Variants in ZNF76 observed in about 807,000 individuals in gnomAD.
ZNF76 encodes zinc finger protein 76.
A neutral mutation model predicts 66.9 loss-of-function variants in ZNF76; 66 were observed. The ratio of observed to expected loss-of-function variants is 0.99; its 90% CI spans 0.81 to 1.21. The LOEUF (loss-of-function observed/expected upper bound fraction) is 1.21. Among genes scored for constraint, ZNF76 ranks in the 50% most tolerant of loss-of-function variants. The pLI is 0.00. For missense variants in ZNF76, 729 were observed against 760.3 expected (o/e 0.96, Z 0.48); for synonymous variants, 275 against 296.1 (o/e 0.93, Z 0.73).
rs57977624 is a variant in ZNF76 at position 35,293,405 on chromosome 6, G to A, written c.1330-346G>A. On this transcript the variant is annotated intron_variant, in intron 11 of 13. Transcript: ENST00000373953. ...GAAAGCCTGGGGTCTGGTCCTACTA[G>A]TGTACTAGCTAGCTATATAACCTGA... 5.7e-3 allele frequency among the ~76,000 whole-genome samples: 867 copies of A among 152,292 alleles called. 8 individuals carry two copies. The highest frequency in any genetic ancestry group is 0.017 in the African/African-American group (688 of 41,560).
intron 1 of ZNF76, among the ~76,000 whole-genome samples, chr6:35,263,582 A>G (rs1785556139): frequency 6.6e-6 from 1 of 152,202 alleles, no homozygotes; most frequent in African/African-American, 2.4e-5. Context: ...GAGTTGAGGA[A>G]AGGGTATACC....
intron 12 of ZNF76, 109 bp downstream of exon 12, chr6:35,294,024 T>C: frequency 7.4e-7 from 1 of 1,348,402 alleles, no homozygotes; most frequent in Non-Finnish European, 1.0e-6. Context: ...GGACAAAGAT[T>C]CCCCACAAAA....
At chr6:35,271,669 CAAAAA>C (rs1248714563) in intron 1 of ZNF76, among the ~76,000 whole-genome samples, 1 of 100,608 alleles carries the variant, frequency 9.9e-6, no homozygotes, top group African/African-American at 4.1e-5. Flanking sequence ...GACTCCGTCT[CAAAAA>C]AAAAAAAAAA....
intron 4 of ZNF76, 121 bp downstream of exon 4, chr6:35,286,520 A>C: frequency 1.1e-6 from 1 of 911,586 alleles, no homozygotes; most frequent in South Asian, 1.4e-5. Context: ...TGTCATCTCC[A>C]TGGTACACAC....
chr6:35,271,464 T>C (rs1487501115), intron 1 of ZNF76, among the ~76,000 whole-genome samples: 1 of 152,012 alleles, frequency 6.6e-6, no homozygotes, highest in Non-Finnish European at 1.5e-5. Context: ...AGGTCAGGAG[T>C]TAGAGATCAG....
At chr6:35,290,876 G>A (rs1264716094) in intron 7 of ZNF76, 160 bp downstream of exon 7, 10 of 692,500 alleles carry the variant, frequency 1.4e-5, no homozygotes, top group Admixed American at 1.1e-4. Context: ...ACCTTGTTAC[G>A]GGAGTGCAAG....
At position 35,291,563 on chromosome 6, in the gene ZNF76, C is replaced by A; in HGVS notation, c.757C>A (p.Arg253Ser). Residue 253 changes from arginine to serine, a missense_variant, in exon 9 of 14, where the codon CGC becomes AGC. Physicochemically the swap from Arg to Ser is moderately radical, Grantham distance 110. Coordinates refer to ENST00000373953, the MANE Select transcript of ZNF76 (RefSeq NM_003427.5). ...QKHVRTHTGE[R>S]PFQCPFEGCG... ...ACATCCCACCATTTGCATAGGTGAA[C>A]GCCCGTTCCAGTGCCCTTTTGAGGG... The A allele has an allele frequency of 6.2e-7, 1 of 1,613,094 alleles. No individual in the cohort carries two copies. Among genetic ancestry groups the A allele is most frequent in the African/African-American group, 1.3e-5 (1 of 75,022 alleles).
At chr6:35,270,738 T>C (rs1258013165) in intron 1 of ZNF76, among the ~76,000 whole-genome samples, 1 of 152,042 alleles carries the variant, frequency 6.6e-6, no homozygotes, top group African/African-American at 2.4e-5. Context: ...TTTGTATTTT[T>C]AGTAGAGATG....
intron 2 of ZNF76, among the ~76,000 whole-genome samples, chr6:35,283,103 G>A (rs1208557806): frequency 6.6e-6 from 1 of 152,132 alleles, no homozygotes; most frequent in African/African-American, 2.4e-5. Flanking sequence ...AGAATTAATG[G>A]TCAAACAAAT....
intron 1 of ZNF76, among the ~76,000 whole-genome samples, chr6:35,265,494 G>A (rs182721111): frequency 2.9e-4 from 42 of 146,452 alleles, no homozygotes; most frequent in Non-Finnish European, 4.6e-4. Flanking sequence ...GCGACAGAGC[G>A]AGACTCTGTC....
intron 2 of ZNF76, among the ~76,000 whole-genome samples, chr6:35,284,114 C>T (rs1582139260): frequency 6.6e-6 from 1 of 151,290 alleles, no homozygotes; most frequent in African/African-American, 2.4e-5. Context: ...TTTTTTGAGA[C>T]GGAGTCTCAC....
intron 1 of ZNF76, among the ~76,000 whole-genome samples, chr6:35,265,659 A>G (rs1373343996): frequency 2.0e-5 from 3 of 152,214 alleles, no homozygotes; most frequent in African/African-American, 7.2e-5. Flanking sequence ...GCATACATCT[A>G]GGGGAAATTT....
At chr6:35,285,564 G>A (rs77000973) in intron 2 of ZNF76, among the ~76,000 whole-genome samples, 13,470 of 152,202 alleles carry the variant, frequency 0.089, 1,411 homozygotes, top group African/African-American at 0.25. Context: ...AGTTAAATAA[G>A]CTGTCCAAGG....
At chr6:35,277,245 G>T (rs1788051428) in intron 1 of ZNF76, among the ~76,000 whole-genome samples, 1 of 152,222 alleles carries the variant, frequency 6.6e-6, no homozygotes, top group Non-Finnish European at 1.5e-5. Context: ...CAGAGCTCTT[G>T]TGAGACAGGG....
In ZNF76 at chr6:35,287,713, C is replaced by A; in HGVS notation, c.300C>A (p.His100Gln). 7 of 1,614,244 alleles carry A rather than the reference C, an allele frequency of 4.3e-6. No individual in the cohort carries two copies. Among genetic ancestry groups the A allele is most frequent in the Non-Finnish European group, 5.9e-6 (7 of 1,180,030 alleles). Residue 100 changes from histidine (H) to glutamine (Q), a missense_variant, in exon 5 of 14, where the codon CAC becomes CAA. His to Gln is a conservative substitution (Grantham distance 24, BLOSUM62 0). Transcript: ENST00000373953. The surrounding 1 kb of genome is among the most constrained non-coding windows in gnomAD (Gnocchi z 4.0). ...LEDGSTAYIH[H>Q]PVAVPSESTI... ...ATGGCTCCACTGCCTACATTCACCA[C>A]CCTGTGGCTGTGCCATCGGAGAGCA... is the stretch of plus-strand genomic sequence containing the variant.
chr6:35,290,170 C>T lies in ZNF76; in HGVS notation c.433-96C>T, dbSNP rs998306386. ...CCCCAGAGGCCCCTGACAGGTTTAA[C>T]CCTGCCTGTTGGGTCTTAAGCTGCC... On this transcript the variant is annotated intron_variant, in intron 5 of 13. Transcript: ENST00000373953. 1.2e-5 allele frequency: 19 copies of T among 1,531,364 alleles called. No homozygotes were observed. The East Asian group carries it at 4.3e-4, about 35-fold the overall frequency. 94.9% of individuals were successfully genotyped at this position (1,531,364 alleles called of 1,614,324 possible).
rs896198162 is a variant in ZNF76 at position 35,287,262 on chromosome 6, G to A, written c.233-384G>A. Among the ~76,000 whole-genome samples the A allele has an allele frequency of 4.6e-5, 7 of 152,166 alleles. No individual in the cohort carries two copies. The highest frequency in any genetic ancestry group is 1.2e-4 in the African/African-American group (5 of 41,410). Reference sequence around the variant, plus strand: ...GAGACCAGTGGGAAGCATTTAAACTGTTGAGGCAGTTAAGTGACATGGTCA... The same window carrying A: ...GAGACCAGTGGGAAGCATTTAAACTATTGAGGCAGTTAAGTGACATGGTCA... On this transcript the variant is annotated intron_variant, in intron 4 of 13. Transcript: ENST00000373953. This position sits in a 1 kb window ranked among gnomAD's most constrained non-coding sequence, Gnocchi z 4.0.
intron 1 of ZNF76, among the ~76,000 whole-genome samples, chr6:35,278,103 G>A (rs536016099): frequency 3.3e-5 from 5 of 152,176 alleles, no homozygotes; most frequent in East Asian, 1.9e-4. Context: ...TGATCTGCCC[G>A]CCTCAACTTC....
intron 2 of ZNF76, among the ~76,000 whole-genome samples, chr6:35,282,556 A>G (rs557067174): frequency 6.6e-6 from 1 of 152,296 alleles, no homozygotes; most frequent in South Asian, 2.1e-4. Context: ...TCAGGCAGCC[A>G]GATAGCATTC....
Sources: allele counts gnomAD v4.1 joint callset (sites outside exome capture counted in the v4.1 genomes callset), GRCh38; gene constraint gnomAD v4.1.1; non-coding constraint Gnocchi (gnomAD v3.1); transcripts MANE v1.5; gene names NCBI Gene and HGNC (gene_info 2026-07-23, HGNC 2026-07-21).